The following FUT9 variants were observed in gnomAD, a reference collection of about 807,000 sequenced individuals.
FUT9 encodes fucosyltransferase 9, also known as 4-galactosyl-N-acetylglucosaminide 3-alpha-L-fucosyltransferase 9.
Under a neutral mutation model 29.7 loss-of-function variants are expected in FUT9, and 15 were observed. The observed-to-expected ratio is 0.51, with a 90% CI of 0.34 to 0.78. FUT9 has a LOEUF of 0.78. Ranked by LOEUF, FUT9 falls within the 30% of genes least tolerant of loss-of-function variation. FUT9 has a pLI of 0.01. For synonymous variants in FUT9, 169 were observed against 153.7 expected (o/e 1.10, Z -0.74); for missense variants, 319 against 425.4 (o/e 0.75, Z 2.20).
intron 1 of FUT9, among the ~76,000 whole-genome samples, chr6:96,038,582 A>G (rs1314737134): frequency 6.6e-6 from 1 of 152,154 alleles, no homozygotes; most frequent in Non-Finnish European, 1.5e-5. Flanking sequence ...TCTCTTCCAG[A>G]ATGGTAGCTG....
chr6:96,189,269 G>C (rs1773461312), intron 2 of FUT9, among the ~76,000 whole-genome samples: 1 of 152,072 alleles, frequency 6.6e-6, no homozygotes, highest in Non-Finnish European at 1.5e-5. Flanking sequence ...CAAGCATGGT[G>C]ATGGAGGGAA....
At chr6:96,026,175 T>A (rs61491938) in intron 1 of FUT9, among the ~76,000 whole-genome samples, 18,335 of 151,608 alleles carry the variant, frequency 0.12, 1,442 homozygotes, top group Admixed American at 0.25. Context: ...GAAAGACCCA[T>A]GGAAAATTGT....
At chr6:96,198,452 C>G (rs949362674) in intron 2 of FUT9, among the ~76,000 whole-genome samples, 3 of 151,974 alleles carry the variant, frequency 2.0e-5, no homozygotes, top group Non-Finnish European at 4.4e-5. Flanking sequence ...TGAACTCATC[C>G]TTTTTTATGG....
intron 2 of FUT9, among the ~76,000 whole-genome samples, chr6:96,180,729 G>A (rs1314599319): frequency 6.6e-6 from 1 of 151,756 alleles, no homozygotes; most frequent in Non-Finnish European, 1.5e-5. Flanking sequence ...TTTATCTTTT[G>A]GTGCCCAACT....
At chr6:96,179,694 G>C (rs1773270867) in intron 2 of FUT9, among the ~76,000 whole-genome samples, 3 of 151,366 alleles carry the variant, frequency 2.0e-5, no homozygotes, top group Admixed American at 2.0e-4. Context: ...TTATACATAA[G>C]AACAATAAAA....
chr6:96,090,721 T>C (rs187684411), intron 1 of FUT9, among the ~76,000 whole-genome samples: 1 of 151,808 alleles, frequency 6.6e-6, no homozygotes, highest in African/African-American at 2.4e-5. Flanking sequence ...CAGTATGAAA[T>C]AGACAATTAT....
chr6:96,059,435 C>G (rs1036420430), intron 1 of FUT9, among the ~76,000 whole-genome samples: 1 of 152,138 alleles, frequency 6.6e-6, no homozygotes, highest in Non-Finnish European at 1.5e-5. Flanking sequence ...TGTTGTTTTA[C>G]TTTAAAGCAG....
chr6:96,199,403 C>G (rs1017146451), intron 2 of FUT9, among the ~76,000 whole-genome samples: 1 of 151,978 alleles, frequency 6.6e-6, no homozygotes, highest in Non-Finnish European at 1.5e-5. Flanking sequence ...ACCCTGACAG[C>G]ACTGAAAAAT....
At chr6:96,126,007 T>C (rs1772127042) in intron 2 of FUT9, among the ~76,000 whole-genome samples, 1 of 152,166 alleles carries the variant, frequency 6.6e-6, no homozygotes, top group Non-Finnish European at 1.5e-5. Flanking sequence ...TCAATTCCTG[T>C]TTTTCCTCCC....
intron 1 of FUT9, among the ~76,000 whole-genome samples, chr6:96,097,621 TACAAAA>T (rs1485773881): frequency 6.7e-6 from 1 of 149,220 alleles, no homozygotes; most frequent in African/African-American, 2.5e-5. Context: ...CAATGAACAT[TACAAAA>T]ACAAACAATA....
chr6:96,093,641 T>C (rs965662721), intron 1 of FUT9, among the ~76,000 whole-genome samples: 2 of 152,168 alleles, frequency 1.3e-5, no homozygotes, highest in Non-Finnish European at 2.9e-5. Flanking sequence ...TATGTATTTC[T>C]CCATGCCCAT....
rs1017199740 is a variant in FUT9, at chr6:96,206,122, G to A, written c.*1887G>A. 13 of 167,076 alleles carry A rather than the reference G, an allele frequency of 7.8e-5. No homozygotes were observed. Among genetic ancestry groups the A allele is most frequent in the East Asian group, 1.9e-4 (1 of 5,178 alleles). 10.3% of individuals were successfully genotyped at this position (167,076 alleles called of 1,614,324 possible). On this transcript the variant is annotated 3_prime_UTR_variant, in exon 3 of 3. Coordinates refer to ENST00000302103, the MANE Select transcript of FUT9 (RefSeq NM_006581.4). ...ATATGCATGTGCTACTCCGAATGAC[G>A]TTTGTATGGGTCAATGCTGATTTAA...
At position 96,210,402 on chromosome 6, in the gene FUT9, T is replaced by C. The variant is rs1773915646; in HGVS notation, c.*6167T>C. ...AGTAGTTCGCGAACCTGAATGCACATTAGAACCATCTGGAGAGGCTTTAAA... is the reference window on the plus strand; with the variant it reads ...AGTAGTTCGCGAACCTGAATGCACACTAGAACCATCTGGAGAGGCTTTAAA... On this transcript the variant is annotated 3_prime_UTR_variant, in exon 3 of 3. Coordinates refer to ENST00000302103, the MANE Select transcript of FUT9 (RefSeq NM_006581.4). The C allele has an allele frequency of 6.0e-6, 1 of 166,830 alleles. No homozygotes were observed. The allele number at this position is 166,830 out of a possible 1,614,324, so 10.3% of individuals were successfully genotyped here. A position where few individuals can be genotyped will look rare whatever the true frequency, so the allele number is the denominator to read the frequency against.
At chr6:96,126,807 T>C (rs146862059) in intron 2 of FUT9, among the ~76,000 whole-genome samples, 38 of 152,300 alleles carry the variant, frequency 2.5e-4, no homozygotes, top group African/African-American at 8.9e-4. Flanking sequence ...ATTCTTTAAC[T>C]TCCCTGTGGA....
intron 1 of FUT9, among the ~76,000 whole-genome samples, chr6:96,029,371 G>A (rs886180015): frequency 6.6e-6 from 1 of 151,460 alleles, no homozygotes; most frequent in African/African-American, 2.4e-5. Context: ...AGCAGGGTGG[G>A]GACAGGAGGG....
chr6:96,196,432 G>T (rs896654050), intron 2 of FUT9, among the ~76,000 whole-genome samples: 6 of 152,072 alleles, frequency 3.9e-5, no homozygotes, highest in African/African-American at 1.4e-4. Context: ...AACAAAGGAG[G>T]GACGGGCGCA....
At chr6:96,134,984 G>A (rs1772320212) in intron 2 of FUT9, among the ~76,000 whole-genome samples, 1 of 151,292 alleles carries the variant, frequency 6.6e-6, no homozygotes, top group African/African-American at 2.4e-5. Context: ...TTGTCAAGTA[G>A]CTGCATGACA....
intron 2 of FUT9, among the ~76,000 whole-genome samples, chr6:96,184,931 T>C (rs999155082): frequency 2.6e-5 from 4 of 151,956 alleles, no homozygotes; most frequent in Non-Finnish European, 5.9e-5. Context: ...CAATTCTAAA[T>C]CAAGAACACA....
chr6:96,201,747 A>C (rs1405749908), intron 2 of FUT9, among the ~76,000 whole-genome samples: 1 of 151,058 alleles, frequency 6.6e-6, no homozygotes, highest in East Asian at 1.9e-4. Context: ...TTTTGTTTTC[A>C]TTTTCTTATT....
Sources: allele counts gnomAD v4.1 joint callset (sites outside exome capture counted in the v4.1 genomes callset), GRCh38; gene constraint gnomAD v4.1.1; transcripts MANE v1.5; gene names NCBI Gene and HGNC (gene_info 2026-07-23, HGNC 2026-07-21).